GSAP: variants seen among roughly 807,000 people sequenced by gnomAD.
GSAP encodes the protein gamma-secretase-activating protein.
In GSAP, 118 loss-of-function variants were observed where a neutral mutation model predicts 131.7. The ratio of observed to expected loss-of-function variants is 0.90; its 90% CI spans 0.77 to 1.04. The LOEUF (loss-of-function observed/expected upper bound fraction) is 1.04, where lower values mean the gene tolerates loss of function less well. GSAP is among the 50% of genes least tolerant of loss of function. The pLI is 0.00. For missense variants in GSAP, 1,019 were observed against 1,013.2 expected, an observed-to-expected ratio of 1.01 and a Z score of -0.08; for synonymous variants, 381 against 363.4, an observed-to-expected ratio of 1.05 and a Z score of -0.55.
Position 77,320,791 on chromosome 7 carries a change from C to A in GSAP, c.2023G>T (p.Ala675Ser). ...FNSRGSAAEF[A>S]VFHIMTRILE... Reference sequence around the variant, plus strand: ...ATCCTGGTCATGATGTGAAAAACTGCAAATTCAGCAGCACTGCCACGACTA... The same window carrying A: ...ATCCTGGTCATGATGTGAAAAACTGAAAATTCAGCAGCACTGCCACGACTA... Residue 675 changes from alanine to serine, a missense_variant, in exon 26 of 31, where the codon GCA (alanine) becomes TCA (serine). Ala to Ser is a moderately conservative substitution (Grantham distance 99). Coordinates refer to ENST00000257626, the MANE Select transcript of GSAP (RefSeq NM_017439.4). 1 of 1,611,454 alleles carries A rather than the reference C, an allele frequency of 6.2e-7. No individual in the cohort carries two copies. Among genetic ancestry groups the A allele is most frequent in the East Asian group, 2.2e-5 (1 of 44,860 alleles).
intron 1 of GSAP, among the ~76,000 whole-genome samples, chr7:77,414,844 CTTTTTTTTTTTTTTTTTTT>C (rs57095326): frequency 1.8e-4 from 11 of 59,862 alleles, no homozygotes; most frequent in Non-Finnish European, 2.2e-4. Context: ...ATGTGGGCGA[CTTTTTTTTTTTTTTTTTTT>C]TTTTTTTTTT....
chr7:77,402,492 C>T (rs957172963), intron 3 of GSAP, among the ~76,000 whole-genome samples: 7 of 145,202 alleles, frequency 4.8e-5, no homozygotes, highest in South Asian at 2.2e-4. Context: ...CTACTTGGGA[C>T]GCTGAGGCAG....
At chr7:77,386,723 C>G (rs1173780209) in intron 6 of GSAP, among the ~76,000 whole-genome samples, 1 of 152,164 alleles carries the variant, frequency 6.6e-6, no homozygotes, top group East Asian at 1.9e-4. Context: ...AAAGATGGAA[C>G]TAGGCCATGA....
intron 19 of GSAP, among the ~76,000 whole-genome samples, chr7:77,348,374 G>C (rs983978162): frequency 6.6e-6 from 1 of 152,086 alleles, no homozygotes; most frequent in Non-Finnish European, 1.5e-5. Flanking sequence ...CAGATCATCA[G>C]TCTATTTTTA....
chr7:77,367,735 T>C (rs1431063605), intron 12 of GSAP, among the ~76,000 whole-genome samples: 2 of 152,092 alleles, frequency 1.3e-5, no homozygotes, highest in African/African-American at 4.8e-5. Context: ...TGGGGAAGAG[T>C]CCATCCTCCT....
chr7:77,385,595 C>G (rs1018732337), intron 6 of GSAP, among the ~76,000 whole-genome samples: 3 of 152,176 alleles, frequency 2.0e-5, no homozygotes, highest in African/African-American at 2.4e-5. Context: ...CTGTCCCCAG[C>G]CTCCCCACAT....
intron 24 of GSAP, among the ~76,000 whole-genome samples, chr7:77,322,115 G>C (rs1330493543): frequency 4.6e-5 from 7 of 152,200 alleles, no homozygotes. Context: ...GCTAAAAACG[G>C]GGCAAAGCAG....
intron 8 of GSAP, chr7:77,380,174 T>C (rs907771799): frequency 6.6e-6 from 1 of 152,570 alleles, no homozygotes; most frequent in East Asian, 1.9e-4. Flanking sequence ...TGCATTAATA[T>C]TAAGGGAGAC....
intron 14 of GSAP, among the ~76,000 whole-genome samples, chr7:77,356,862 G>A (rs753790994): frequency 8.5e-5 from 13 of 152,194 alleles, no homozygotes; most frequent in Admixed American, 1.3e-4. Context: ...GGCGTTCTGT[G>A]GAAAGGGAAG....
At chr7:77,416,392 T>TCGCCCTCGCGTCCCCGCTCC (rs1804483046), upstream of GSAP, 1 of 757,670 alleles carries the variant, frequency 1.3e-6, no homozygotes, top group African/African-American at 1.9e-5. Flanking sequence ...CGTGGCCGCC[T>TCGCCCTCGCGTCCCCGCTCC]CGCCCTCGCG....
intron 1 of GSAP, 73 bp downstream of exon 1, chr7:77,416,140 G>C (rs1804400994): frequency 1.2e-6 from 1 of 868,648 alleles, no homozygotes; most frequent in Non-Finnish European, 1.6e-6. Context: ...GCTCCCCACC[G>C]GGTCGGAGTC....
chr7:77,313,659 G>C, intron 27 of GSAP, 110 bp from the exon 28 acceptor site: 1 of 545,366 alleles, frequency 1.8e-6, no homozygotes, highest in Non-Finnish European at 3.2e-6. Flanking sequence ...TCCCAACTGT[G>C]TATTCTCAAG....
chr7:77,320,766 A>T lies in GSAP; in HGVS notation c.2048T>A (p.Ile683Asn). Residue 683 changes from isoleucine (I) to asparagine (N), a missense_variant, in exon 26 of 31, where the codon ATT (isoleucine) becomes AAT (asparagine). Transcript: ENST00000257626. ...EFAVFHIMTR[I>N]LEATNSLFLP... Reference sequence around the variant, plus strand: ...AAACAAACTGTTTGTAGCTTCCAGAATCCTGGTCATGATGTGAAAAACTGC... The same window carrying T: ...AAACAAACTGTTTGTAGCTTCCAGATTCCTGGTCATGATGTGAAAAACTGC... The T allele has an allele frequency of 6.2e-7, 1 of 1,612,288 alleles. No homozygotes were observed. The highest frequency in any genetic ancestry group is 8.5e-7 in the Non-Finnish European group (1 of 1,178,430).
intron 14 of GSAP, among the ~76,000 whole-genome samples, chr7:77,356,915 A>G (rs1172138917): frequency 6.6e-6 from 1 of 152,238 alleles, no homozygotes; most frequent in Non-Finnish European, 1.5e-5. Context: ...GTGTCCTTTC[A>G]GTCAACGTGG....
intron 16 of GSAP, among the ~76,000 whole-genome samples, chr7:77,354,330 G>A (rs1793344997): frequency 6.6e-6 from 1 of 152,202 alleles, no homozygotes; most frequent in Admixed American, 6.5e-5. Flanking sequence ...AAATGTGGAT[G>A]CAGAGAGTGT....
At chr7:77,312,572 A>C (rs1463826841) in intron 28 of GSAP, among the ~76,000 whole-genome samples, 3 of 152,246 alleles carry the variant, frequency 2.0e-5, no homozygotes, top group African/African-American at 7.2e-5. Flanking sequence ...CTTGCCTAGA[A>C]AATTTTAATT....
At chr7:77,393,673 T>C (rs932764981) in intron 5 of GSAP, among the ~76,000 whole-genome samples, 3 of 144,678 alleles carry the variant, frequency 2.1e-5, no homozygotes, top group African/African-American at 8.0e-5. Flanking sequence ...ATATATACTT[T>C]CTTTTTTTTT....
At position 77,360,851 on chromosome 7, in the gene GSAP, T is replaced by C. The variant is rs1314459856; in HGVS notation, c.1000A>G (p.Thr334Ala). The part of the protein sequence containing the change: ...TSLENVGSHM[T>A]KGITFLNLDY... ...AGGTTGAGAAAAGTAATGCCCTTTG[T>C]CATGTGTGACCCAACATTCTCAAGA... Residue 334 changes from threonine to alanine, a missense_variant, in exon 14 of 31, where the codon ACA becomes GCA. Physicochemically the swap from Thr to Ala is moderately conservative, Grantham distance 58. Coordinates refer to ENST00000257626, the MANE Select transcript of GSAP (RefSeq NM_017439.4). 1 of 1,600,170 alleles carries C rather than the reference T, an allele frequency of 6.2e-7. No individual in the cohort carries two copies. The highest frequency in any genetic ancestry group is 8.6e-7 in the Non-Finnish European group (1 of 1,167,716).
intron 1 of GSAP, among the ~76,000 whole-genome samples, chr7:77,408,073 GA>G (rs1163524392): frequency 6.6e-6 from 1 of 152,194 alleles, no homozygotes; most frequent in Middle Eastern, 3.2e-3. Context: ...GTGACTGTTA[GA>G]AAGGAGCATG....
Sources: allele counts gnomAD v4.1 joint callset (sites outside exome capture counted in the v4.1 genomes callset), GRCh38; gene constraint gnomAD v4.1.1; transcripts MANE v1.5; gene names NCBI Gene and HGNC (gene_info 2026-07-23, HGNC 2026-07-21).